ECT2: variants seen among roughly 807,000 people sequenced by gnomAD.
The protein encoded by ECT2 is protein ECT2.
In ECT2, 61 loss-of-function variants were observed where a neutral mutation model predicts 116.9. That is an observed-to-expected ratio of 0.52 (90% CI 0.42 to 0.65). The LOEUF is 0.65. Ranked by LOEUF, ECT2 falls within the 30% of genes least tolerant of loss-of-function variation. ECT2 has a pLI of 0.00. For missense variants in ECT2, 937 were observed against 1,078.7 expected (o/e 0.87, Z 1.84); for synonymous variants, 358 against 346.4 (o/e 1.03, Z -0.37).
At position 172,778,250 on chromosome 3, in the gene ECT2, G is replaced by T. The variant is rs553571949; in HGVS notation, c.1549-3913G>T. ...CTGTCTCAGAACTGTAGAATTGTCC[G>T]TTCTTTTAGAGGAAAAGTTAAGAGA... On this transcript the variant is annotated intron_variant, in intron 14 of 24. Transcript: ENST00000392692. Among the ~76,000 whole-genome samples, 2 of 152,256 alleles carry T rather than the reference G, an allele frequency of 1.3e-5. 1 individual carries two copies. The highest frequency in any genetic ancestry group is 4.1e-4 in the South Asian group (2 of 4,820).
At chr3:172,827,701 T>A in the ECT2 span, among the ~76,000 whole-genome samples, 3 of 152,312 alleles carry the variant, frequency 2.0e-5, no homozygotes, top group Non-Finnish European at 2.9e-5. Context: ...AGGAAAAAGA[T>A]GTATTGTTCA....
At chr3:172,819,772 C>T (rs1730425778) in intron 24 of ECT2, among the ~76,000 whole-genome samples, 1 of 152,078 alleles carries the variant, frequency 6.6e-6, no homozygotes, top group East Asian at 1.9e-4. Context: ...TTTAATTCTG[C>T]TTTATGAACT....
chr3:172,785,751 C>T (rs75489499), intron 17 of ECT2, among the ~76,000 whole-genome samples: 7,303 of 152,090 alleles, frequency 0.048, 227 homozygotes, highest in Middle Eastern at 0.082. Context: ...TTGAGAATTA[C>T]TGGCTTATAA....
Position 172,773,957 on chromosome 3 carries a change from C to T in ECT2, c.1483C>T (p.Pro495Ser). 1 of 1,612,874 alleles carries T rather than the reference C, an allele frequency of 6.2e-7. No individual in the cohort carries two copies. The highest frequency in any genetic ancestry group is 8.5e-7 in the Non-Finnish European group (1 of 1,179,012). The change falls in exon 14 of 25, where the codon CCA (proline) becomes TCA (serine). Residue 495 changes from proline (P) to serine (S), a missense_variant. Coordinates refer to ENST00000392692, the MANE Select transcript of ECT2 (RefSeq NM_001258315.2). The stretch of plus-strand genomic sequence containing the variant: ...ACAACGTGGTGGACCTATCCTTGCA[C>T]CAGAGGAGATTAAGACTATTTTTGG... ...EGQRGGPILA[P>S]EEIKTIFGSI... is the part of the protein sequence containing the mutation.
chr3:172,816,856 A>G lies in ECT2; in HGVS notation c.2655+19A>G. Reference sequence around the variant, plus strand: ...ATTAGCAGTAAGTTATTTTGATTTAATGGGGTAAATGACTTATTTATGAAG... The same window carrying G: ...ATTAGCAGTAAGTTATTTTGATTTAGTGGGGTAAATGACTTATTTATGAAG... On this transcript the variant is annotated intron_variant, in intron 24 of 24. Coordinates refer to ENST00000392692, the MANE Select transcript of ECT2 (RefSeq NM_001258315.2). 1 of 1,521,772 alleles carries G rather than the reference A, an allele frequency of 6.6e-7. No homozygotes were observed. Among genetic ancestry groups the G allele is most frequent in the South Asian group, 1.3e-5 (1 of 76,714 alleles). 94.3% of individuals were successfully genotyped at this position (1,521,772 alleles called of 1,614,324 possible). A position where few individuals can be genotyped will look rare whatever the true frequency, so the allele number is the denominator to read the frequency against.
downstream of ECT2, among the ~76,000 whole-genome samples, chr3:172,824,028 C>A (rs937267879): frequency 6.6e-6 from 1 of 151,480 alleles, no homozygotes; most frequent in African/African-American, 2.4e-5. Flanking sequence ...TTTTCTTGAA[C>A]CTCCTGAACA....
chr3:172,818,709 T>G, intron 24 of ECT2: 1 of 1,288,862 alleles, frequency 7.8e-7, no homozygotes, highest in Non-Finnish European at 1.0e-6. Context: ...AAGGAAATAC[T>G]GATTTTTCAA....
At chr3:172,828,334 C>T in the ECT2 span, among the ~76,000 whole-genome samples, 1 of 150,160 alleles carries the variant, frequency 6.7e-6, no homozygotes, top group South Asian at 2.1e-4. Flanking sequence ...TACCAACAGG[C>T]TGTGTGTGTG....
chr3:172,754,911 C>G (rs1208428175), intron 2 of ECT2, among the ~76,000 whole-genome samples: 1 of 151,986 alleles, frequency 6.6e-6, no homozygotes, highest in Non-Finnish European at 1.5e-5. Context: ...TGAGGGCGGT[C>G]TAGCTACAGC....
At chr3:172,788,497 C>T (rs1724017004) in intron 18 of ECT2, among the ~76,000 whole-genome samples, 1 of 152,108 alleles carries the variant, frequency 6.6e-6, no homozygotes, top group African/African-American at 2.4e-5. Flanking sequence ...TTACTCATGC[C>T]CCTTGGTAAT....
In ECT2 at chr3:172,754,669, G is replaced by A. The variant is rs774530249; in HGVS notation, c.130+9G>A. The A allele has an allele frequency of 6.3e-7, 1 of 1,581,156 alleles. No homozygotes were observed. ...TACTTCATATGTAGAAGGTAAACCT[G>A]TTACCTGCTTTAAAACAATCAATTT... is the stretch of plus-strand genomic sequence containing the variant. On this transcript the variant is annotated intron_variant, in intron 2 of 24. Coordinates refer to ENST00000392692, the MANE Select transcript of ECT2 (RefSeq NM_001258315.2).
chr3:172,762,881 T>C (rs970008086), intron 10 of ECT2, 29 bp from the exon 11 acceptor site: 1 of 1,612,476 alleles, frequency 6.2e-7, no homozygotes, highest in Admixed American at 1.7e-5. Context: ...ATGTAAACTG[T>C]TTATTAAAAT....
intron 23 of ECT2, 86 bp from the exon 24 acceptor site, chr3:172,816,605 C>A: frequency 2.5e-6 from 3 of 1,205,526 alleles, no homozygotes; most frequent in East Asian, 2.6e-5. Context: ...AAACTTTTGC[C>A]ATATATTTGG....
chr3:172,754,714 A>T (rs199950814), intron 2 of ECT2, 54 bp downstream of exon 2: 2 of 1,365,770 alleles, frequency 1.5e-6, no homozygotes, highest in South Asian at 2.8e-5. Context: ...TTCTAAACTT[A>T]TTAGTGACTT....
intron 14 of ECT2, 100 bp downstream of exon 14, chr3:172,774,122 C>T (rs1721206821): frequency 9.1e-7 from 1 of 1,095,934 alleles, no homozygotes; most frequent in Non-Finnish European, 1.3e-6. Flanking sequence ...AGTTTTGTAC[C>T]TAAAACTTCT....
intron 13 of ECT2, among the ~76,000 whole-genome samples, chr3:172,772,686 C>G (rs1021555369): frequency 6.6e-6 from 1 of 151,870 alleles, no homozygotes; most frequent in Admixed American, 6.6e-5. Flanking sequence ...AACTCTTTAC[C>G]TAAGTTTAAG....
chr3:172,755,272 T>A (rs1462503936), intron 2 of ECT2, 23 bp from the exon 3 acceptor site: 1 of 1,566,224 alleles, frequency 6.4e-7, no homozygotes, highest in African/African-American at 1.4e-5. Context: ...TGATAAACAT[T>A]GAAACATTTT....
At chr3:172,811,355 A>G (rs1400828702) in intron 22 of ECT2, among the ~76,000 whole-genome samples, 1 of 152,202 alleles carries the variant, frequency 6.6e-6, no homozygotes, top group Non-Finnish European at 1.5e-5. Context: ...GCACTAAAGG[A>G]AGTACTTCAT....
chr3:172,828,825 G>C, the ECT2 span: 1 of 815,366 alleles, frequency 1.2e-6, no homozygotes, highest in Non-Finnish European at 2.0e-6. Context: ...TAGGAGAAGA[G>C]CTACTGCCTG....
Sources: allele counts gnomAD v4.1 joint callset (sites outside exome capture counted in the v4.1 genomes callset), GRCh38; gene constraint gnomAD v4.1.1; transcripts MANE v1.5; gene names NCBI Gene and HGNC (gene_info 2026-07-23, HGNC 2026-07-21).